ACOXL: variants seen among roughly 807,000 people sequenced by gnomAD.
ACOXL encodes acyl-CoA oxidase like, also known as acyl-coenzyme A oxidase-like protein.
ACOXL carries 70 observed loss-of-function variants against 71.9 expected under a neutral mutation model. The ratio of observed to expected loss-of-function variants is 0.97; its 90% CI spans 0.80 to 1.19. The LOEUF is 1.19. ACOXL is among the 50% of genes most tolerant of loss of function. The pLI is 0.00. For synonymous variants in ACOXL, 253 were observed against 281.6 expected (o/e 0.90, Z 1.02); for missense variants, 703 against 736.3 (o/e 0.95, Z 0.52).
At chr2:111,001,597 A>G (rs921374391) in intron 14 of ACOXL, among the ~76,000 whole-genome samples, 2 of 152,196 alleles carry the variant, frequency 1.3e-5, no homozygotes, top group East Asian at 1.9e-4. Context: ...CAGAATTTAT[A>G]TGGACCACTG....
intron 13 of ACOXL, among the ~76,000 whole-genome samples, chr2:110,987,902 C>G (rs1213684390): frequency 2.6e-5 from 4 of 152,064 alleles, no homozygotes; most frequent in African/African-American, 7.2e-5. Flanking sequence ...ATGAAAAACC[C>G]TGTACATGTT....
intron 13 of ACOXL, among the ~76,000 whole-genome samples, chr2:110,988,897 T>C (rs996247206): frequency 3.0e-5 from 3 of 100,398 alleles, no homozygotes; most frequent in African/African-American, 9.7e-5. Context: ...GTGTGTGTCT[T>C]GTTCTTATTG....
chr2:111,062,893 T>C (rs1186023367), intron 16 of ACOXL, among the ~76,000 whole-genome samples: 1 of 152,024 alleles, frequency 6.6e-6, no homozygotes, highest in Non-Finnish European at 1.5e-5. Context: ...TTTTAAAAGA[T>C]CAATAAAAGT....
intron 16 of ACOXL, among the ~76,000 whole-genome samples, chr2:111,053,611 G>C (rs1018836990): frequency 2.0e-5 from 3 of 152,228 alleles, no homozygotes; most frequent in Admixed American, 1.3e-4. Flanking sequence ...AAAAATCAGA[G>C]CCTCTGTTTA....
chr2:110,970,058 G>T (rs149440876), intron 12 of ACOXL, among the ~76,000 whole-genome samples: 2 of 152,022 alleles, frequency 1.3e-5, no homozygotes, highest in African/African-American at 2.4e-5. Flanking sequence ...AAAGAAGAAT[G>T]TTACTCTCTC....
At chr2:110,869,988 T>TAAA (rs1695075107) in intron 10 of ACOXL, among the ~76,000 whole-genome samples, 1 of 152,278 alleles carries the variant, frequency 6.6e-6, no homozygotes, top group Admixed American at 6.5e-5. Flanking sequence ...ACCGAGCATG[T>TAAA]GGGTCTCACA....
intron 15 of ACOXL, among the ~76,000 whole-genome samples, chr2:111,042,192 G>T (rs2065817725): frequency 6.6e-6 from 1 of 152,240 alleles, no homozygotes; most frequent in Non-Finnish European, 1.5e-5. Flanking sequence ...CTGGCATTTT[G>T]CCTGCCTAGG....
rs569488584 is a variant in ACOXL, at chr2:110,995,642, T to C, written c.1170-251T>C. ...TTGAACACTACTTATAATACAATAG[T>C]AAGTGGAACAATTAGGAAACCAAAT... On this transcript the variant is annotated intron_variant, in intron 13 of 17. Coordinates refer to ENST00000439055, the MANE Select transcript of ACOXL (RefSeq NM_001142807.4). Among the ~76,000 whole-genome samples the C allele has an allele frequency of 7.2e-5, 11 of 151,878 alleles. No homozygotes were observed. In the East Asian group the frequency reaches 2.1e-3, roughly 29 times the overall value.
intron 12 of ACOXL, among the ~76,000 whole-genome samples, chr2:110,960,905 G>A (rs891251281): frequency 2.6e-5 from 4 of 152,186 alleles, no homozygotes; most frequent in South Asian, 2.1e-4. Context: ...TCTATGCCAT[G>A]GGTCTTTCTG....
chr2:111,070,770 G>A (rs114705742), intron 16 of ACOXL, among the ~76,000 whole-genome samples: 1,851 of 152,028 alleles, frequency 0.012, 24 homozygotes, highest in Middle Eastern at 0.038. Context: ...CAGTTGAAGC[G>A]GCCAGGATAC....
intron 16 of ACOXL, among the ~76,000 whole-genome samples, chr2:111,058,435 C>T (rs752421296): frequency 5.3e-5 from 8 of 152,146 alleles, no homozygotes; most frequent in Non-Finnish European, 7.4e-5. Context: ...TGGGAAGTCA[C>T]GCTGGATGGA....
chr2:111,038,358 T>A (rs2065622519), intron 15 of ACOXL, among the ~76,000 whole-genome samples: 1 of 132,480 alleles, frequency 7.5e-6, no homozygotes, highest in South Asian at 2.5e-4. Context: ...CAAAATAAAA[T>A]AAAAAATAAA....
rs1422727191 is a variant in ACOXL at position 110,845,342 on chromosome 2, C to T, written c.788+3937C>T. ...TCTTCTCATTCGTGAGGGAGGAGCC[C>T]TCATGGCTTAATCACCTTTTAAAGG... On this transcript the variant is annotated intron_variant, in intron 10 of 17. Transcript: ENST00000439055. Among the ~76,000 whole-genome samples the T allele has an allele frequency of 2.6e-5, 4 of 152,170 alleles. No homozygotes were observed. In the East Asian group the frequency reaches 7.7e-4, roughly 29 times the overall value.
intron 11 of ACOXL, among the ~76,000 whole-genome samples, chr2:110,919,492 C>T (rs1288075567): frequency 6.6e-6 from 1 of 151,882 alleles, no homozygotes; most frequent in Non-Finnish European, 1.5e-5. Flanking sequence ...AACACAATGG[C>T]ACATGTATAT....
In ACOXL at chr2:110,799,023, G is replaced by C; in HGVS notation, c.470G>C (p.Cys157Ser). The change falls in exon 7 of 18, where the codon TGT becomes TCT. Residue 157 changes from cysteine (C) to serine (S), a missense_variant. Physicochemically the swap from Cys to Ser is moderately radical, Grantham distance 112. Transcript: ENST00000439055. ...TCGATGCCTTCCTTAGGGCCCCACT[G>C]TTTCATCGTTCCTGTCCGGGATGAA... ...IIDGRSQGPHCFIVPVRDENG... is the reference protein window; with the variant it reads ...IIDGRSQGPHSFIVPVRDENG... The C allele has an allele frequency of 6.2e-7, 1 of 1,613,928 alleles. No homozygotes were observed. Among genetic ancestry groups the C allele is most frequent in the Non-Finnish European group, 8.5e-7 (1 of 1,179,936 alleles).
At chr2:110,925,922 C>T (rs2149312420) in intron 11 of ACOXL, among the ~76,000 whole-genome samples, 1 of 138,242 alleles carries the variant, frequency 7.2e-6, no homozygotes, top group East Asian at 2.2e-4. Context: ...CTCTTCCTTT[C>T]ACTTGAACAC....
chr2:110,943,305 GAGAA>G (rs931358469), intron 12 of ACOXL, among the ~76,000 whole-genome samples: 16 of 150,214 alleles, frequency 1.1e-4, no homozygotes, highest in East Asian at 3.9e-4. Context: ...AGAAAGAAGA[GAGAA>G]AGAGAAAAAG....
chr2:110,848,910 C>T (rs957377965), intron 10 of ACOXL, among the ~76,000 whole-genome samples: 2 of 152,196 alleles, frequency 1.3e-5, no homozygotes. Context: ...ACCTTTAGCA[C>T]GGGATTCAGA....
In ACOXL at chr2:111,053,537, C is replaced by A. The variant is rs1462800155; in HGVS notation, c.1440+4249C>A. Among the ~76,000 whole-genome samples the A allele has an allele frequency of 3.3e-5, 5 of 152,192 alleles. No individual in the cohort carries two copies. In the East Asian group the frequency reaches 7.7e-4, roughly 23 times the overall value. On this transcript the variant is annotated intron_variant, in intron 16 of 17. Coordinates refer to ENST00000439055, the MANE Select transcript of ACOXL (RefSeq NM_001142807.4). ...ACATGGTTTGACTTTGCCTAGCAGG[C>A]CTCTTTCTCAGTGCTTGGTCCAGAC...
Sources: gnomAD v4.1 joint callset for allele counts (sites outside exome capture counted in the v4.1 genomes callset) on GRCh38, gnomAD v4.1.1 for gene constraint, MANE v1.5 for transcripts, NCBI Gene and HGNC (gene_info 2026-07-23, HGNC 2026-07-21) for gene names.